Variants in MEI4 observed in about 807,000 individuals in gnomAD.
MEI4 encodes the protein meiotic double-stranded break formation protein 4, also known as meiosis-specific protein MEI4.
MEI4 carries 27 observed loss-of-function variants against 31.4 expected under a neutral mutation model. That is an observed-to-expected ratio of 0.86 (90% CI 0.63 to 1.19). The LOEUF is 1.19. Among genes scored for constraint, MEI4 ranks in the 50% most tolerant of loss-of-function variants. MEI4 has a pLI of 0.00. For synonymous variants in MEI4, 122 were observed against 145.4 expected, an observed-to-expected ratio of 0.84 and a Z score of 1.16; for missense variants, 329 against 398.9, an observed-to-expected ratio of 0.82 and a Z score of 1.49.
chr6:77,690,115 T>A (rs1015622870), intron 1 of MEI4, among the ~76,000 whole-genome samples: 13 of 152,004 alleles, frequency 8.6e-5, no homozygotes, highest in African/African-American at 2.7e-4. Context: ...TTGTTCTCCA[T>A]ATAGATTGGA....
chr6:77,695,258 T>C (rs893333612), intron 2 of MEI4, among the ~76,000 whole-genome samples: 3 of 152,112 alleles, frequency 2.0e-5, no homozygotes, highest in African/African-American at 7.2e-5. Flanking sequence ...GCAGAAGCTC[T>C]TTAGTTGAAT....
At chr6:77,894,957 CTG>C (rs1194223756) in intron 4 of MEI4, among the ~76,000 whole-genome samples, 2 of 152,278 alleles carry the variant, frequency 1.3e-5, no homozygotes, top group Admixed American at 1.3e-4. Flanking sequence ...TTTACCCTCA[CTG>C]GATATTTAAA....
chr6:77,687,184 T>C (rs1471228466), intron 1 of MEI4, among the ~76,000 whole-genome samples: 2 of 152,048 alleles, frequency 1.3e-5, no homozygotes, highest in Admixed American at 1.3e-4. Context: ...TAAAAAAGAA[T>C]ACAAGTAAGC....
intron 3 of MEI4, among the ~76,000 whole-genome samples, chr6:77,825,793 G>T (rs1386718877): frequency 6.6e-6 from 1 of 152,100 alleles, no homozygotes; most frequent in East Asian, 1.9e-4. Context: ...CACAGTATCT[G>T]TCTCTCTGGC....
chr6:77,695,783 T>C (rs1766020246), intron 2 of MEI4, among the ~76,000 whole-genome samples: 1 of 152,168 alleles, frequency 6.6e-6, no homozygotes, highest in Admixed American at 6.5e-5. Context: ...GAAAGTAGTT[T>C]TTTCCAATTC....
At chr6:77,872,132 C>T (rs1412924637) in intron 4 of MEI4, among the ~76,000 whole-genome samples, 2 of 152,120 alleles carry the variant, frequency 1.3e-5, no homozygotes, top group African/African-American at 2.4e-5. Context: ...GTGCAGTGTT[C>T]CCAGGCCACC....
chr6:77,786,150 A>G (rs1327109756), intron 3 of MEI4, among the ~76,000 whole-genome samples: 1 of 152,170 alleles, frequency 6.6e-6, no homozygotes, highest in Non-Finnish European at 1.5e-5. Flanking sequence ...TGTTCTTATG[A>G]AAAGTATATC....
chr6:77,802,084 A>G (rs1010831958), intron 3 of MEI4, among the ~76,000 whole-genome samples: 1 of 152,120 alleles, frequency 6.6e-6, no homozygotes, highest in African/African-American at 2.4e-5. Flanking sequence ...AAAGTCTCCC[A>G]TTATTATTGT....
At chr6:77,729,249 T>TC (rs1256611002) in intron 2 of MEI4, among the ~76,000 whole-genome samples, 1 of 152,178 alleles carries the variant, frequency 6.6e-6, no homozygotes, top group Non-Finnish European at 1.5e-5. Context: ...ATGCCTAGTG[T>TC]CCCATTACTG....
chr6:77,766,984 T>C (rs1768192169), intron 3 of MEI4, among the ~76,000 whole-genome samples: 3 of 152,272 alleles, frequency 2.0e-5, no homozygotes, highest in African/African-American at 7.2e-5. Flanking sequence ...TTCATGGCTA[T>C]TAACCAGTTA....
chr6:77,681,100 G>T (rs1771038061), intron 1 of MEI4, among the ~76,000 whole-genome samples: 1 of 152,014 alleles, frequency 6.6e-6, no homozygotes, highest in South Asian at 2.1e-4. Flanking sequence ...TCTTTGCCTT[G>T]AAGCTGAGGC....
intron 3 of MEI4, among the ~76,000 whole-genome samples, chr6:77,767,022 C>T (rs1253886325): frequency 2.0e-5 from 3 of 152,028 alleles, no homozygotes; most frequent in Admixed American, 1.3e-4. Context: ...GAGAATATTC[C>T]TTGGGAAATA....
chr6:77,727,903 T>C (rs1232917320), intron 2 of MEI4, among the ~76,000 whole-genome samples: 2 of 151,656 alleles, frequency 1.3e-5, no homozygotes, highest in Non-Finnish European at 2.9e-5. Flanking sequence ...CTCTGTCTCT[T>C]TGATCGTAAC....
intron 2 of MEI4, among the ~76,000 whole-genome samples, chr6:77,692,071 C>T (rs568847792): frequency 2.6e-5 from 4 of 152,156 alleles, no homozygotes; most frequent in African/African-American, 9.6e-5. Flanking sequence ...TCATCTCATA[C>T]ACTCTCCCCA....
intron 4 of MEI4, among the ~76,000 whole-genome samples, chr6:77,921,305 C>T (rs1766697249): frequency 6.6e-6 from 1 of 151,864 alleles, no homozygotes; most frequent in Non-Finnish European, 1.5e-5. Flanking sequence ...TGCTATCTAT[C>T]TTCAGAGTGA....
chr6:77,702,131 A>C (rs913533299), intron 2 of MEI4, among the ~76,000 whole-genome samples: 1 of 148,682 alleles, frequency 6.7e-6, no homozygotes, highest in Non-Finnish European at 1.5e-5. Flanking sequence ...TGACAGATCC[A>C]GAATGGAGCT....
At chr6:77,851,952 ATGAAT>A (rs1410498827) in intron 4 of MEI4, among the ~76,000 whole-genome samples, 1 of 152,212 alleles carries the variant, frequency 6.6e-6, no homozygotes, top group East Asian at 1.9e-4. Flanking sequence ...TCATTTAAAA[ATGAAT>A]TGAACGCCTA....
At position 77,923,392 on chromosome 6, in the gene MEI4, A is replaced by C. The variant is rs1182011600; in HGVS notation, c.*46A>C. ...CCACGTTTGAAGCATAATAAAGTAG[A>C]ATATATGAAAATCTCATACTGAAAA... is the stretch of plus-strand genomic sequence containing the variant. On this transcript the variant is annotated 3_prime_UTR_variant, in exon 5 of 5. Transcript: ENST00000684080. 1 of 1,208,094 alleles carries C rather than the reference A, an allele frequency of 8.3e-7. No individual in the cohort carries two copies. Among genetic ancestry groups the C allele is most frequent in the Non-Finnish European group, 1.0e-6 (1 of 967,228 alleles). The allele number at this position is 1,208,094 out of a possible 1,614,324, so 74.8% of individuals were successfully genotyped here.
chr6:77,857,128 A>T (rs1282469884), intron 4 of MEI4, among the ~76,000 whole-genome samples: 1 of 152,058 alleles, frequency 6.6e-6, no homozygotes, highest in African/African-American at 2.4e-5. Flanking sequence ...TTTAGAATGA[A>T]GTTTTACATT....
Sources: gnomAD v4.1 joint callset for allele counts (sites outside exome capture counted in the v4.1 genomes callset) on GRCh38, gnomAD v4.1.1 for gene constraint, MANE v1.5 for transcripts, NCBI Gene and HGNC (gene_info 2026-07-23, HGNC 2026-07-21) for gene names.